Variants in MACROD2 observed in about 807,000 individuals in gnomAD.
The protein encoded by MACROD2 is mono-ADP ribosylhydrolase 2.
MACROD2 carries 36 observed loss-of-function variants against 70.4 expected under a neutral mutation model. The observed-to-expected ratio is 0.51, with a 90% confidence interval of 0.39 to 0.68. The LOEUF (loss-of-function observed/expected upper bound fraction) is 0.68. Among genes scored for constraint, MACROD2 ranks in the 30% least tolerant of loss-of-function variants. The probability of loss-of-function intolerance (pLI) is 0.00; values close to 1 mark genes in which losing one functional copy is unlikely to be tolerated. For synonymous variants in MACROD2, 172 were observed against 178.8 expected (o/e 0.96, Z 0.30); for missense variants, 496 against 538.4 (o/e 0.92, Z 0.78).
In MACROD2 at chr20:14,763,018, G is replaced by C. The variant is rs185053795; in HGVS notation, c.418+78059G>C. Among the ~76,000 whole-genome samples the C allele has an allele frequency of 2.0e-5, 3 of 152,104 alleles. No homozygotes were observed. In the East Asian group the frequency reaches 5.8e-4, roughly 29 times the overall value. Reference sequence around the variant, plus strand: ...AATGTCAGAGTGCAGTTACCATCGAGAGCAGGAAAATAACAGAGAACAGAG... The same window carrying C: ...AATGTCAGAGTGCAGTTACCATCGACAGCAGGAAAATAACAGAGAACAGAG... On this transcript the variant is annotated intron_variant, in intron 5 of 17. Coordinates refer to ENST00000684519, the MANE Select transcript of MACROD2 (RefSeq NM_001351661.2).
intron 5 of MACROD2, chr20:15,197,102 C>T (rs953905567): frequency 1.2e-6 from 1 of 837,010 alleles, no homozygotes; most frequent in African/African-American, 1.8e-5. Context: ...TTCTCCTTTT[C>T]ATGCCCTGGT....
chr20:14,980,632 A>G (rs1406950460), intron 5 of MACROD2, among the ~76,000 whole-genome samples: 1 of 152,202 alleles, frequency 6.6e-6, no homozygotes, highest in Non-Finnish European at 1.5e-5. Flanking sequence ...CATTAAGGCC[A>G]GCATTTAAGC....
intron 3 of MACROD2, among the ~76,000 whole-genome samples, chr20:14,221,970 C>A (rs1442713184): frequency 1.3e-5 from 2 of 151,886 alleles, no homozygotes; most frequent in African/African-American, 4.8e-5. Flanking sequence ...AAAAGTAAAA[C>A]AAACAAAACA....
intron 3 of MACROD2, among the ~76,000 whole-genome samples, chr20:14,234,983 A>T (rs1224082063): frequency 6.6e-6 from 1 of 152,172 alleles, no homozygotes; most frequent in African/African-American, 2.4e-5. Flanking sequence ...AATTTTTTTA[A>T]CTAAGTTTTA....
intron 6 of MACROD2, among the ~76,000 whole-genome samples, chr20:15,285,854 T>A (rs918933557): frequency 6.6e-6 from 1 of 152,190 alleles, no homozygotes; most frequent in Non-Finnish European, 1.5e-5. Context: ...TCTTTATTTT[T>A]AAAGTGCTTT....
chr20:14,432,237 C>T (rs1422499995), intron 3 of MACROD2, among the ~76,000 whole-genome samples: 1 of 152,080 alleles, frequency 6.6e-6, no homozygotes, highest in African/African-American at 2.4e-5. Flanking sequence ...CACTTACAGT[C>T]CTCTCTTCTA....
At chr20:14,218,008 G>A (rs1267505646) in intron 3 of MACROD2, among the ~76,000 whole-genome samples, 1 of 152,112 alleles carries the variant, frequency 6.6e-6, no homozygotes, top group East Asian at 1.9e-4. Context: ...GGATGAAAAT[G>A]TTCCCTATAT....
chr20:15,096,967 A>G lies in MACROD2; in HGVS notation c.419-132973A>G, dbSNP rs2075838373. Among the ~76,000 whole-genome samples the G allele has an allele frequency of 2.0e-5, 3 of 151,624 alleles. No individual in the cohort carries two copies. The South Asian group carries it at 6.2e-4, about 32-fold the overall frequency. ...GAGGGAATTACAGGTGCTCGCCACCACGCCCAGTTAATTTTTGCATTTTTA... is the reference window on the plus strand; with the variant it reads ...GAGGGAATTACAGGTGCTCGCCACCGCGCCCAGTTAATTTTTGCATTTTTA... On this transcript the variant is annotated intron_variant, in intron 5 of 17. Coordinates refer to ENST00000684519, the MANE Select transcript of MACROD2 (RefSeq NM_001351661.2).
At chr20:14,186,365 C>A (rs2081344057) in intron 3 of MACROD2, among the ~76,000 whole-genome samples, 1 of 142,008 alleles carries the variant, frequency 7.0e-6, no homozygotes, top group Admixed American at 6.9e-5. Context: ...TGCTCAACAT[C>A]ACTAATAATT....
intron 8 of MACROD2, among the ~76,000 whole-genome samples, chr20:15,577,632 G>T (rs1265831505): frequency 6.6e-6 from 1 of 151,774 alleles, no homozygotes; most frequent in Admixed American, 6.6e-5. Context: ...TACTCCCTGC[G>T]TGCGTACTCC....
intron 5 of MACROD2, among the ~76,000 whole-genome samples, chr20:15,158,520 G>A (rs2076325026): frequency 6.6e-6 from 1 of 152,070 alleles, no homozygotes; most frequent in Non-Finnish European, 1.5e-5. Context: ...ATTCAAATAG[G>A]GTCTTTCAAG....
intron 7 of MACROD2, among the ~76,000 whole-genome samples, chr20:15,472,352 C>G (rs1430976768): frequency 6.6e-6 from 1 of 152,108 alleles, no homozygotes; most frequent in African/African-American, 2.4e-5. Context: ...TCTCTTTACT[C>G]TTTCCTTTAA....
chr20:16,044,364 G>A (rs2067349338), intron 16 of MACROD2, among the ~76,000 whole-genome samples: 1 of 151,972 alleles, frequency 6.6e-6, no homozygotes, highest in Non-Finnish European at 1.5e-5. Context: ...TTCAACATAA[G>A]ATTTGAAGGG....
chr20:16,022,883 A>G (rs1399241640), intron 15 of MACROD2, among the ~76,000 whole-genome samples: 14 of 152,212 alleles, frequency 9.2e-5, no homozygotes, highest in Non-Finnish European at 1.8e-4. Context: ...GAATGCATGT[A>G]TGTGCCAACT....
rs1431679421 is a variant in MACROD2, at chr20:16,000,717, CTG to C, written c.1153+13562_1153+13563del. Among the ~76,000 whole-genome samples, 7 of 152,180 alleles carry C rather than the reference CTG, an allele frequency of 4.6e-5. No individual in the cohort carries two copies. The East Asian group carries it at 1.3e-3, about 29-fold the overall frequency. ...ACTACAAGTCAGACTTGCATTATGA[CTG>C]TGAACTAAAGATCCTAATCATAAAC... On this transcript the variant is annotated intron_variant, in intron 15 of 17. Coordinates refer to ENST00000684519, the MANE Select transcript of MACROD2 (RefSeq NM_001351661.2).
At chr20:14,725,601 G>A (rs911447147) in intron 5 of MACROD2, among the ~76,000 whole-genome samples, 11 of 152,154 alleles carry the variant, frequency 7.2e-5, no homozygotes, top group African/African-American at 2.4e-5. Flanking sequence ...GTCCCTGGAA[G>A]TGCTGGTACG....
At chr20:14,862,208 T>TAA (rs1568839485) in intron 5 of MACROD2, among the ~76,000 whole-genome samples, 1 of 10,242 alleles carries the variant, frequency 9.8e-5, no homozygotes, top group African/African-American at 6.5e-4. Flanking sequence ...AATATATAAA[T>TAA]ATATATATAT....
chr20:15,361,693 G>A (rs2078353471), intron 6 of MACROD2, among the ~76,000 whole-genome samples: 1 of 152,070 alleles, frequency 6.6e-6, no homozygotes, highest in Non-Finnish European at 1.5e-5. Flanking sequence ...TATGAGCACA[G>A]TATGCTTCTT....
At chr20:14,925,482 G>A (rs532912045) in intron 5 of MACROD2, among the ~76,000 whole-genome samples, 1 of 152,108 alleles carries the variant, frequency 6.6e-6, no homozygotes, top group Admixed American at 6.5e-5. Context: ...GATTTTAAAA[G>A]GCTGTTACAT....
Sources: allele counts gnomAD v4.1 joint callset (sites outside exome capture counted in the v4.1 genomes callset), GRCh38; gene constraint gnomAD v4.1.1; transcripts MANE v1.5; gene names NCBI Gene and HGNC (gene_info 2026-07-23, HGNC 2026-07-21).